Variants in ATP10A observed in about 807,000 individuals in gnomAD.
The protein encoded by ATP10A is ATPase phospholipid transporting 10A (putative).
In ATP10A, 111 loss-of-function variants were observed where a neutral mutation model predicts 147.8. That is an observed-to-expected ratio of 0.75 (90% CI 0.64 to 0.88). The LOEUF is 0.88. Among genes scored for constraint, ATP10A ranks in the 40% least tolerant of loss-of-function variants. ATP10A has a pLI of 0.00. For missense variants in ATP10A, 1,927 were observed against 1,959.0 expected (o/e 0.98, Z 0.31); for synonymous variants, 875 against 841.6 (o/e 1.04, Z -0.69).
At chr15:25,818,476 T>C (rs764120271) in intron 1 of ATP10A, among the ~76,000 whole-genome samples, 11 of 152,258 alleles carry the variant, frequency 7.2e-5, no homozygotes, top group Non-Finnish European at 1.2e-4. Context: ...AAACATTCCA[T>C]GTTCCATGTT....
chr15:25,835,716 C>G (rs983091809), intron 1 of ATP10A, among the ~76,000 whole-genome samples: 2 of 152,200 alleles, frequency 1.3e-5, no homozygotes, highest in Admixed American at 6.5e-5. Flanking sequence ...CACTGAACCC[C>G]AAACTCCCGG....
At chr15:25,771,297 C>T (rs141650200) in intron 2 of ATP10A, among the ~76,000 whole-genome samples, 1 of 152,162 alleles carries the variant, frequency 6.6e-6, no homozygotes, top group East Asian at 1.9e-4. Flanking sequence ...GAGCCCGGCA[C>T]GGCAGCTCAC....
At chr15:25,795,887 C>T (rs1378481486) in intron 1 of ATP10A, among the ~76,000 whole-genome samples, 1 of 152,010 alleles carries the variant, frequency 6.6e-6, no homozygotes, top group African/African-American at 2.4e-5. Context: ...AGAGTTCTGG[C>T]TCTATTAGTT....
chr15:25,702,031 C>A lies in ATP10A; in HGVS notation c.2645G>T (p.Gly882Val). 1 of 1,614,204 alleles carries A rather than the reference C, an allele frequency of 6.2e-7. No individual in the cohort carries two copies. Among genetic ancestry groups the A allele is most frequent in the Non-Finnish European group, 8.5e-7 (1 of 1,180,018 alleles). The change falls in exon 13 of 21, where the codon GGC becomes GTC. Residue 882 changes from glycine to valine, a missense_variant. Coordinates refer to ENST00000555815, the MANE Select transcript of ATP10A (RefSeq NM_024490.4). ...ACCAGTGAGAACCCAAATCTGCAGG[C>A]CCGCTTGACGCAATTTAGAAATAGT... ...PETISKLRQA[G>V]LQIWVLTGDK...
chr15:25,862,840 G>A lies in ATP10A; in HGVS notation c.257C>T (p.Pro86Leu). 4.3e-6 allele frequency: 7 copies of A among 1,609,866 alleles called. No individual in the cohort carries two copies. The highest frequency in any genetic ancestry group is 5.9e-6 in the Non-Finnish European group (7 of 1,178,184). The stretch of plus-strand genomic sequence containing the variant: ...GATGAAGACAAAGTACACGTTGGCC[G>A]GGCGGTGGAACTGCTCGAACAGGTT... ...PKNLFEQFHR[P>L]ANVYFVFIAL... Residue 86 changes from proline to leucine, a missense_variant, in exon 1 of 21, where the codon CCG (proline) becomes CTG (leucine). Pro to Leu is a moderately conservative substitution (Grantham distance 98, BLOSUM62 -3). Coordinates refer to ENST00000555815, the MANE Select transcript of ATP10A (RefSeq NM_024490.4).
intron 1 of ATP10A, among the ~76,000 whole-genome samples, chr15:25,793,609 A>G (rs1890534855): frequency 6.6e-6 from 1 of 152,240 alleles, no homozygotes; most frequent in Non-Finnish European, 1.5e-5. Context: ...GCTCCCTGGC[A>G]GCCAGGACCC....
At chr15:25,784,700 G>A (rs1042537006) in intron 1 of ATP10A, among the ~76,000 whole-genome samples, 5 of 152,098 alleles carry the variant, frequency 3.3e-5, no homozygotes, top group Admixed American at 6.5e-5. Flanking sequence ...CAAGACGGGC[G>A]GATCACAAGG....
chr15:25,766,318 A>T (rs1889021091), intron 2 of ATP10A, among the ~76,000 whole-genome samples: 1 of 152,178 alleles, frequency 6.6e-6, no homozygotes, highest in South Asian at 2.1e-4. Context: ...ACTGAGGCCC[A>T]GAGAGGTCAA....
At chr15:25,812,496 C>G (rs1345170346) in intron 1 of ATP10A, among the ~76,000 whole-genome samples, 2 of 152,180 alleles carry the variant, frequency 1.3e-5, no homozygotes, top group African/African-American at 2.4e-5. Context: ...ACCCACAAAC[C>G]TTTTCCAAGA....
intron 1 of ATP10A, among the ~76,000 whole-genome samples, chr15:25,804,176 G>A (rs118201448): frequency 0.014 from 2,190 of 151,512 alleles, 46 homozygotes; most frequent in African/African-American, 0.049. Context: ...TTTGTGATGT[G>A]AGGCTGTGTT....
intron 14 of ATP10A, among the ~76,000 whole-genome samples, chr15:25,692,813 T>G (rs947282234): frequency 1.1e-4 from 17 of 152,198 alleles, no homozygotes; most frequent in African/African-American, 3.9e-4. Context: ...CTTTTTCTTT[T>G]GAGACAGGGT....
Position 25,679,145 on chromosome 15 carries a change from G to A in ATP10A, c.*196C>T, listed in dbSNP as rs1017759453. 1.9e-5 allele frequency: 6 copies of A among 322,178 alleles called. No homozygotes were observed. The East Asian group carries it at 2.3e-4, about 12-fold the overall frequency. The allele number at this position is 322,178 out of a possible 1,614,324, so 20.0% of individuals were successfully genotyped here. A position where few individuals can be genotyped will look rare whatever the true frequency, so the allele number is the denominator to read the frequency against. On this transcript the variant is annotated 3_prime_UTR_variant, in exon 21 of 21. Coordinates refer to ENST00000555815, the MANE Select transcript of ATP10A (RefSeq NM_024490.4). Reference sequence around the variant, plus strand: ...TTCTTTAAACTTTTATATATGTTAAGGCTCTTCTTTTTCTTTTCAATATAC... The same window carrying A: ...TTCTTTAAACTTTTATATATGTTAAAGCTCTTCTTTTTCTTTTCAATATAC...
In ATP10A at chr15:25,687,911, C is replaced by T. The variant is rs561756869; in HGVS notation, c.3166-83G>A. 3.1e-6 allele frequency: 5 copies of T among 1,588,628 alleles called. No individual in the cohort carries two copies. The African/African-American group carries it at 6.7e-5, about 21-fold the overall frequency. On this transcript the variant is annotated intron_variant, in intron 15 of 20. Transcript: ENST00000555815. ...TTCTCTTCTCAAAATGCAAGGTACA[C>T]AACAGGGAAGGAAAATCCCCATTCT...
rs758213773 is a variant in ATP10A at position 25,725,961 on chromosome 15, A to G, written c.969T>C (p.Phe323=). Reference sequence around the variant, plus strand: ...ATCTAGGAGACTTACCGACTGCTGAAAACAGAGACATGCAAACAAGGAGCA... The same window carrying G: ...ATCTAGGAGACTTACCGACTGCTGAGAACAGAGACATGCAAACAAGGAGCA... ...CVLLLVCMSL[F]SAVGHGLWIW... is the part of the protein sequence containing the mutation. Residue 323 remains phenylalanine (F), a synonymous_variant, in exon 5 of 21, where the codon TTT becomes TTC. Transcript: ENST00000555815. The G allele has an allele frequency of 5.0e-6, 8 of 1,613,500 alleles. No individual in the cohort carries two copies. Among genetic ancestry groups the G allele is most frequent in the Non-Finnish European group, 6.8e-6 (8 of 1,179,606 alleles).
chr15:25,821,322 G>A (rs933495998), intron 1 of ATP10A, among the ~76,000 whole-genome samples: 1 of 151,956 alleles, frequency 6.6e-6, no homozygotes, highest in East Asian at 1.9e-4. Flanking sequence ...CCGGGAGATC[G>A]AGGCTGCAAT....
intron 2 of ATP10A, among the ~76,000 whole-genome samples, chr15:25,767,746 C>T (rs886730615): frequency 2.0e-5 from 3 of 152,234 alleles, no homozygotes; most frequent in African/African-American, 7.2e-5. Flanking sequence ...CTAATGCGTG[C>T]TAGCTGCCTG....
chr15:25,828,448 C>T (rs7181277), intron 1 of ATP10A, among the ~76,000 whole-genome samples: 140,025 of 152,202 alleles, frequency 0.92, 65,193 homozygotes, highest in Non-Finnish European at 0.99. Context: ...TAAGTAGGCT[C>T]TTGGAATGAA....
At chr15:25,845,159 G>A (rs577758509) in intron 1 of ATP10A, among the ~76,000 whole-genome samples, 5 of 152,318 alleles carry the variant, frequency 3.3e-5, no homozygotes, top group African/African-American at 9.6e-5. Flanking sequence ...TGCGGGGAGC[G>A]CTGGCAGGCA....
chr15:25,764,230 C>T (rs1360085504), intron 2 of ATP10A, among the ~76,000 whole-genome samples: 1 of 152,136 alleles, frequency 6.6e-6, no homozygotes, highest in African/African-American at 2.4e-5. Flanking sequence ...ATGAGGAATC[C>T]TGGGCAAAGA....
Sources: gnomAD v4.1 joint callset for allele counts (sites outside exome capture counted in the v4.1 genomes callset) on GRCh38, gnomAD v4.1.1 for gene constraint, MANE v1.5 for transcripts, NCBI Gene and HGNC (gene_info 2026-07-23, HGNC 2026-07-21) for gene names.